LDHC: variants seen among roughly 807,000 people sequenced by gnomAD.
The protein encoded by LDHC is lactate dehydrogenase C.
LDHC carries 20 observed loss-of-function variants against 30.2 expected under a neutral mutation model. The observed-to-expected ratio is 0.66, with a 90% CI of 0.47 to 0.96. LDHC has a LOEUF of 0.96. Among genes scored for constraint, LDHC ranks in the 40% least tolerant of loss-of-function variants. The pLI, the probability that LDHC is intolerant of heterozygous loss-of-function variation, is 0.00. For missense variants in LDHC, 362 were observed against 394.9 expected, an observed-to-expected ratio of 0.92 and a Z score of 0.71; for synonymous variants, 139 against 132.7, an observed-to-expected ratio of 1.05 and a Z score of -0.32.
At chr11:18,447,009 A>T (rs1342172847) in intron 7 of LDHC, among the ~76,000 whole-genome samples, 1 of 152,214 alleles carries the variant, frequency 6.6e-6, no homozygotes, top group African/African-American at 2.4e-5. Flanking sequence ...AGGGGGATGC[A>T]GTCCAGAGCA....
At chr11:18,440,760 C>G (rs1157112325) in intron 6 of LDHC, among the ~76,000 whole-genome samples, 1 of 147,038 alleles carries the variant, frequency 6.8e-6, no homozygotes, top group African/African-American at 2.5e-5. Context: ...GAGATCATGT[C>G]TCCACAAAAA....
intron 3 of LDHC, among the ~76,000 whole-genome samples, chr11:18,424,196 A>G (rs1176538160): frequency 3.3e-5 from 5 of 152,066 alleles, no homozygotes; most frequent in Admixed American, 3.3e-4. Flanking sequence ...AGCCTGACCA[A>G]CATGGTGAAA....
chr11:18,442,933 C>T lies in LDHC; in HGVS notation c.711-3277C>T, dbSNP rs113614127. Among the ~76,000 whole-genome samples the T allele has an allele frequency of 2.0e-4, 30 of 152,136 alleles. 2 individuals carry two copies. Among genetic ancestry groups the T allele is most frequent in the African/African-American group, 5.5e-4 (23 of 41,514 alleles). ...CCGCCTCAGCCTCCTGAAGCCACCA[C>T]GCAGTTTTTATATTTCTAAAGCAAA... On this transcript the variant is annotated intron_variant, in intron 6 of 7. Transcript: ENST00000541669.
In LDHC at chr11:18,438,639, T is replaced by C; in HGVS notation, c.704T>C (p.Ile235Thr). ...EHWKNIHKQVIQSAYEIIKLK... is the reference protein window; with the variant it reads ...EHWKNIHKQVTQSAYEIIKLK... Reference sequence around the variant, plus strand: ...TGGAAAAATATCCATAAACAAGTTATTCAAAGGTAATAGTACCTATTCAGT... The same window carrying C: ...TGGAAAAATATCCATAAACAAGTTACTCAAAGGTAATAGTACCTATTCAGT... Residue 235 changes from isoleucine (I) to threonine (T), a missense_variant, in exon 6 of 8, where the codon ATT (isoleucine) becomes ACT (threonine). Coordinates refer to ENST00000541669, the MANE Select transcript of LDHC (RefSeq NM_017448.5). 6.5e-7 allele frequency: 1 copy of C among 1,544,592 alleles called. No individual in the cohort carries two copies. Among genetic ancestry groups the C allele is most frequent in the African/African-American group, 1.4e-5 (1 of 73,630 alleles).
chr11:18,434,446 G>GGAATGCA (rs1186776193), intron 4 of LDHC, among the ~76,000 whole-genome samples: 1 of 152,004 alleles, frequency 6.6e-6, no homozygotes, highest in Admixed American at 6.6e-5. Context: ...CAAGTAGCTG[G>GGAATGCA]GAATGCAGGT....
At chr11:18,425,461 A>G (rs534329450) in intron 3 of LDHC, among the ~76,000 whole-genome samples, 5 of 152,114 alleles carry the variant, frequency 3.3e-5, no homozygotes, top group South Asian at 4.2e-4. Flanking sequence ...GCTCACTGCA[A>G]TCTCTGCCTC....
At chr11:18,449,428 T>TACAAAA (rs1848616070) in intron 7 of LDHC, among the ~76,000 whole-genome samples, 1 of 48,434 alleles carries the variant, frequency 2.1e-5, no homozygotes, top group Non-Finnish European at 3.7e-5. Flanking sequence ...CACTGTCTCC[T>TACAAAA]AAAAAAAAAA....
intron 3 of LDHC, among the ~76,000 whole-genome samples, chr11:18,417,179 C>T (rs1426434058): frequency 2.0e-5 from 3 of 152,128 alleles, no homozygotes; most frequent in Admixed American, 6.6e-5. Context: ...CCACCGCACC[C>T]GGCCTGGAGT....
intron 3 of LDHC, among the ~76,000 whole-genome samples, chr11:18,416,078 AG>A (rs539275022): frequency 1.3e-5 from 2 of 152,232 alleles, no homozygotes; most frequent in Non-Finnish European, 2.9e-5. Context: ...GAAAGTATAA[AG>A]AAAAATTGAA....
chr11:18,451,310 C>T lies in LDHC; in HGVS notation c.*183C>T, dbSNP rs1848652268. ...TAAAGAGATTTTCCTCTTTAAGAAT[C>T]ATTTATAGCTCTATTCTAATGATAC... On this transcript the variant is annotated 3_prime_UTR_variant, in exon 8 of 8. Coordinates refer to ENST00000541669, the MANE Select transcript of LDHC (RefSeq NM_017448.5). 1 of 450,638 alleles carries T rather than the reference C, an allele frequency of 2.2e-6. No homozygotes were observed. Among genetic ancestry groups the T allele is most frequent in the Non-Finnish European group, 3.8e-6 (1 of 260,146 alleles). The allele number at this position is 450,638 out of a possible 1,614,324, so 27.9% of individuals were successfully genotyped here.
chr11:18,438,391 A>G lies in LDHC; in HGVS notation c.593-137A>G, dbSNP rs77219016. 2.1e-5 allele frequency: 13 copies of G among 619,728 alleles called. No homozygotes were observed. In the South Asian group the frequency reaches 2.3e-4, roughly 11 times the overall value. 38.4% of individuals were successfully genotyped at this position (619,728 alleles called of 1,614,324 possible). On this transcript the variant is annotated intron_variant, in intron 5 of 7. Coordinates refer to ENST00000541669, the MANE Select transcript of LDHC (RefSeq NM_017448.5). The stretch of plus-strand genomic sequence containing the variant: ...TCCCACCCCCAACACTAGCGGTTAC[A>G]TTTCAACATGAGATTTGGAGGAGAC...
rs1848233981 is a variant in LDHC at position 18,429,882 on chromosome 11, T to C, written c.390T>C (p.Asp130=). 3 of 1,609,776 alleles carry C rather than the reference T, an allele frequency of 1.9e-6. No individual in the cohort carries two copies. The highest frequency in any genetic ancestry group is 2.5e-6 in the Non-Finnish European group (3 of 1,176,790). The part of the protein sequence containing the change: ...IIPAIVHYSP[D]CKILVVSNPV... ...CTGCCATAGTCCATTATAGTCCTGA[T>C]TGTAAAATTCTTGTTGTTTCAAATC... The change falls in exon 4 of 8, where the codon GAT becomes GAC. Residue 130 remains aspartate (D), a synonymous_variant. Transcript: ENST00000541669.
intron 2 of LDHC, 122 bp downstream of exon 2, chr11:18,412,965 TCCTC>T (rs1199635014): frequency 4.9e-5 from 23 of 467,742 alleles, no homozygotes; most frequent in Middle Eastern, 4.2e-4. Context: ...CTTTGACCTT[TCCTC>T]CCTCCCTCCC....
chr11:18,443,997 AACT>A (rs1396070760), intron 6 of LDHC, among the ~76,000 whole-genome samples: 1 of 152,154 alleles, frequency 6.6e-6, no homozygotes, highest in Admixed American at 6.5e-5. Context: ...TTTATCTAAA[AACT>A]ACTCAGCTCT....
At chr11:18,450,846 C>T in intron 7 of LDHC, 117 bp from the exon 8 acceptor site, 1 of 699,078 alleles carries the variant, frequency 1.4e-6, no homozygotes, top group Non-Finnish European at 2.3e-6. Flanking sequence ...CTGCCACCCT[C>T]TGAGCGATTC....
At chr11:18,439,563 CAAAAAAAAAA>C (rs34511927) in intron 6 of LDHC, among the ~76,000 whole-genome samples, 14 of 59,352 alleles carry the variant, frequency 2.4e-4, no homozygotes, top group African/African-American at 9.0e-4. Context: ...AACTCCATCT[CAAAAAAAAAA>C]AAAAAAAAAA....
intron 3 of LDHC, among the ~76,000 whole-genome samples, chr11:18,427,667 T>G (rs2134056210): frequency 7.2e-6 from 1 of 138,150 alleles, no homozygotes; most frequent in Admixed American, 8.2e-5. Flanking sequence ...TAAAGATGAT[T>G]TGGAGCCAGA....
At chr11:18,439,823 A>AAC (rs1554964752) in intron 6 of LDHC, among the ~76,000 whole-genome samples, 6 of 143,742 alleles carry the variant, frequency 4.2e-5, no homozygotes, top group South Asian at 4.4e-4. Flanking sequence ...AAAAAAAAAA[A>AAC]AAAAAAAAAA....
intron 4 of LDHC, among the ~76,000 whole-genome samples, chr11:18,431,143 A>C (rs1848258682): frequency 6.6e-6 from 1 of 151,342 alleles, no homozygotes; most frequent in Admixed American, 6.6e-5. Context: ...AAAGCAAACA[A>C]AAAAAAAACA....
Sources: gnomAD v4.1 joint callset for allele counts (sites outside exome capture counted in the v4.1 genomes callset) on GRCh38, gnomAD v4.1.1 for gene constraint, MANE v1.5 for transcripts, NCBI Gene and HGNC (gene_info 2026-07-23, HGNC 2026-07-21) for gene names.